Variants in RCC2 observed in about 807,000 individuals in gnomAD.
The protein encoded by RCC2 is protein RCC2.
RCC2 carries 19 observed loss-of-function variants against 64.1 expected under a neutral mutation model. That is an observed-to-expected ratio of 0.30 (90% confidence interval 0.21 to 0.44). The LOEUF is 0.44. Ranked by LOEUF, RCC2 falls within the 20% of genes least tolerant of loss-of-function variation. The pLI is 1.00. For missense variants in RCC2, 508 were observed against 710.4 expected (o/e 0.72, Z 3.24); for synonymous variants, 325 against 279.6 (o/e 1.16, Z -1.62).
intron 4 of RCC2, among the ~76,000 whole-genome samples, chr1:17,423,744 T>G (rs1026477339): frequency 2.0e-5 from 3 of 152,244 alleles, no homozygotes; most frequent in African/African-American, 7.2e-5. Context: ...GTGGGGAAAC[T>G]GACGGAGATC....
rs575284041 is a variant in RCC2, at chr1:17,413,726, A to G, written c.1027-9T>C. 1.1e-5 allele frequency: 18 copies of G among 1,605,130 alleles called. No individual in the cohort carries two copies. The highest frequency in any genetic ancestry group is 1.5e-5 in the Non-Finnish European group (18 of 1,176,326). ...TGGGAGTCCAGGACCAGCTGCAAGG[A>G]AAGAAAACACAGGGTTGGAACAAAC... On this transcript the variant is annotated splice_polypyrimidine_tract_variant and intron_variant, in intron 8 of 12. Transcript: ENST00000375436.
In RCC2 at chr1:17,422,737, G is replaced by A. The variant is rs564910907; in HGVS notation, c.623C>T (p.Ala208Val). Reference protein sequence around the residue: ...GLSHEVIVSAACGRNHTLALT... With the variant: ...GLSHEVIVSAVCGRNHTLALT... Reference sequence around the variant, plus strand: ...GGCCAAGGTGTGGTTCCGCCCACATGCTGCAGACACAATCACTTCGTGGCT... The same window carrying A: ...GGCCAAGGTGTGGTTCCGCCCACATACTGCAGACACAATCACTTCGTGGCT... Residue 208 changes from alanine to valine, a missense_variant, in exon 5 of 13, where the codon GCA becomes GTA. Coordinates refer to ENST00000375436, the MANE Select transcript of RCC2 (RefSeq NM_018715.4). 149 of 1,614,138 alleles carry A rather than the reference G, an allele frequency of 9.2e-5. 1 individual carries two copies. The South Asian group carries it at 1.5e-3, about 16-fold the overall frequency.
Position 17,409,190 on chromosome 1 carries a change from G to A in RCC2, c.1469C>T (p.Ala490Val), listed in dbSNP as rs139119199. Residue 490 changes from alanine (A) to valine (V), a missense_variant, in exon 13 of 13, where the codon GCC (alanine) becomes GTC (valine). This residue lies in a region of RCC2 where 179 missense variants were observed against 322.0 expected (regional missense o/e 0.56). Transcript: ENST00000375436. ...TLDGIFSEQV[A>V]MGYSHSLVIA... ...CACCAAGGAGTGTGAGTAGCCCATG[G>A]CGACCTGGGGGGACAAATCAGCGTT... 3.1e-6 allele frequency: 5 copies of A among 1,608,846 alleles called. No homozygotes were observed. The African/African-American group carries it at 5.3e-5, about 17-fold the overall frequency.
chr1:17,437,788 C>T (rs2075753874), intron 2 of RCC2, among the ~76,000 whole-genome samples: 2 of 90,172 alleles, frequency 2.2e-5, no homozygotes, highest in South Asian at 6.8e-4. Context: ...CCGCCCCCTC[C>T]CCGCGGCGCC....
intron 4 of RCC2, among the ~76,000 whole-genome samples, chr1:17,423,822 C>T (rs185037801): frequency 6.6e-6 from 1 of 152,344 alleles, no homozygotes; most frequent in East Asian, 1.9e-4. Context: ...GAACTTTTCA[C>T]CCTTAGGTTG....
At position 17,413,621 on chromosome 1, in the gene RCC2, G is replaced by A. The variant is rs1557621790; in HGVS notation, c.1123C>T (p.Leu375=). The A allele has an allele frequency of 6.2e-7, 1 of 1,614,210 alleles. No individual in the cohort carries two copies. The highest frequency in any genetic ancestry group is 2.2e-5 in the East Asian group (1 of 44,878). Residue 375 remains leucine, a synonymous_variant, in exon 9 of 13, where the codon CTG becomes TTG. Transcript: ENST00000375436. ...AEQKDEMVPR[L]VKLFDFPGRG... ...CCAGGGAAGTCAAACAGCTTCACCA[G>A]GCGGGGGACCATCTCATCCTTCTGC... is the stretch of plus-strand genomic sequence containing the variant.
At chr1:17,420,574 G>T in intron 7 of RCC2, 140 bp downstream of exon 7, 1 of 505,860 alleles carries the variant, frequency 2.0e-6, no homozygotes, top group Non-Finnish European at 3.5e-6. Flanking sequence ...TGCTGAACGT[G>T]AGATCCACTT....
chr1:17,430,411 A>T (rs2100387515), intron 2 of RCC2, among the ~76,000 whole-genome samples: 1 of 150,726 alleles, frequency 6.6e-6, no homozygotes, highest in Non-Finnish European at 1.5e-5. Flanking sequence ...GGATTGCTTG[A>T]GCTGAGGAGC....
At position 17,406,958 on chromosome 1, in the gene RCC2, G is replaced by T. The variant is rs1477005527; in HGVS notation, c.*2132C>A. 2.6e-5 allele frequency: 4 copies of T among 152,192 alleles called. No individual in the cohort carries two copies. In the East Asian group the frequency reaches 7.7e-4, roughly 29 times the overall value. 9.4% of individuals were successfully genotyped at this position (152,192 alleles called of 1,614,324 possible). A position where few individuals can be genotyped will look rare whatever the true frequency, so the allele number is the denominator to read the frequency against. On this transcript the variant is annotated 3_prime_UTR_variant, in exon 13 of 13. Transcript: ENST00000375436. ...GACCAGTCAGATGCCCGCAGGGTCA[G>T]CGCCAAGCACATTCCCAACCGGGCA...
At chr1:17,424,613 A>G (rs1447126037) in intron 4 of RCC2, among the ~76,000 whole-genome samples, 2 of 152,242 alleles carry the variant, frequency 1.3e-5, no homozygotes, top group Non-Finnish European at 2.9e-5. Flanking sequence ...GGAAGACAAC[A>G]GATGTTAATA....
At chr1:17,437,701 C>G (rs1400164311) in intron 2 of RCC2, among the ~76,000 whole-genome samples, 55 of 1,016 alleles carry the variant, frequency 0.054, no homozygotes, top group Non-Finnish European at 6.8e-3. Flanking sequence ...CAGGCCCCGC[C>G]CCCCCCGGGC....
Position 17,412,167 on chromosome 1 carries a change from A to G in RCC2, c.1341T>C (p.Asp447=), listed in dbSNP as rs983182657. The G allele has an allele frequency of 5.6e-6, 9 of 1,613,446 alleles. No homozygotes were observed. In the African/African-American group the frequency reaches 1.1e-4, roughly 19 times the overall value. ...ACGGACCCCAGCTGATGGTGCTCTCATCGGCGGCCACAATGATGCTGCTCT... is the reference window on the plus strand; with the variant it reads ...ACGGACCCCAGCTGATGGTGCTCTCGTCGGCGGCCACAATGATGCTGCTCT... ...CGKSSIIVAA[D]ESTISWGPSP... Residue 447 remains aspartate (D), a synonymous_variant, in exon 11 of 13, where the codon GAT becomes GAC. Transcript: ENST00000375436.
rs1416223932 is a variant in RCC2, at chr1:17,408,305, G to T, written c.*785C>A. 2.0e-5 allele frequency: 3 copies of T among 152,246 alleles called. No individual in the cohort carries two copies. Among genetic ancestry groups the T allele is most frequent in the African/African-American group, 7.2e-5 (3 of 41,440 alleles). 9.4% of individuals were successfully genotyped at this position (152,246 alleles called of 1,614,324 possible). A position where few individuals can be genotyped will look rare whatever the true frequency, so the allele number is the denominator to read the frequency against. ...CAAGGCTCAGCCCTGGCTCCACAGGGAGCCACCAAGCTGACTCAACTGATA... is the reference window on the plus strand; with the variant it reads ...CAAGGCTCAGCCCTGGCTCCACAGGTAGCCACCAAGCTGACTCAACTGATA... On this transcript the variant is annotated 3_prime_UTR_variant, in exon 13 of 13. Transcript: ENST00000375436.
In RCC2 at chr1:17,427,878, GGC is replaced by G. The variant is rs1432564090; in HGVS notation, c.379+1226_379+1227del. Among the ~76,000 whole-genome samples the G allele has an allele frequency of 2.7e-4, 41 of 152,298 alleles. 1 individual carries two copies. In the East Asian group the frequency reaches 5.8e-3, roughly 22 times the overall value. On this transcript the variant is annotated intron_variant, in intron 3 of 12. Coordinates refer to ENST00000375436, the MANE Select transcript of RCC2 (RefSeq NM_018715.4). ...AATTAAACGCCCTGCAGCAGTCCCAGGCTCTGCGGTCAGACTGAGAAGTCAAT... is the reference window on the plus strand; with the variant it reads ...AATTAAACGCCCTGCAGCAGTCCCAGTCTGCGGTCAGACTGAGAAGTCAAT...
intron 2 of RCC2, among the ~76,000 whole-genome samples, chr1:17,434,277 C>G (rs2075714031): frequency 6.6e-6 from 1 of 152,208 alleles, no homozygotes; most frequent in African/African-American, 2.4e-5. Context: ...ACTTTCAGCC[C>G]CATCCTCCAA....
chr1:17,438,423 G>T lies in RCC2; in HGVS notation c.92C>A (p.Pro31Gln), dbSNP rs895336495. ...ARAGPRKRGG[P>Q]AGRKRERPER... ...GGGCCGCTCGCGCTTCCTGCCCGCC[G>T]GGCCGCCGCGTTTCCTGGGCCCGGC... is the stretch of plus-strand genomic sequence containing the variant. The change falls in exon 2 of 13, where the codon CCG (proline) becomes CAG (glutamine). Residue 31 changes from proline (P) to glutamine (Q), a missense_variant. Pro to Gln is a moderately conservative substitution (Grantham distance 76). Around this residue, in one of 4 missense-constraint regions of RCC2, gnomAD observed 195 missense variants for 158.3 expected, o/e 1.23. Coordinates refer to ENST00000375436, the MANE Select transcript of RCC2 (RefSeq NM_018715.4). 74 of 1,275,958 alleles carry T rather than the reference G, an allele frequency of 5.8e-5. No individual in the cohort carries two copies. Among genetic ancestry groups the T allele is most frequent in the Non-Finnish European group, 7.0e-5 (71 of 1,015,314 alleles). The allele number at this position is 1,275,958 out of a possible 1,614,324, so 79.0% of individuals were successfully genotyped here.
chr1:17,432,937 G>A (rs555583919), intron 2 of RCC2, among the ~76,000 whole-genome samples: 2 of 151,888 alleles, frequency 1.3e-5, no homozygotes, highest in Non-Finnish European at 2.9e-5. Context: ...CAGACTGGGC[G>A]AAAGAGCGAG....
chr1:17,438,545 G>A (rs2075770046), intron 1 of RCC2, 23 bp from the exon 2 acceptor site: 2 of 1,306,108 alleles, frequency 1.5e-6, no homozygotes, highest in Non-Finnish European at 1.9e-6. Flanking sequence ...ACGGGGCAGC[G>A]GCGCACAATG....
chr1:17,439,137 G>GA (rs1006212631), intron 1 of RCC2, among the ~76,000 whole-genome samples: 1 of 152,194 alleles, frequency 6.6e-6, no homozygotes, highest in African/African-American at 2.4e-5. Flanking sequence ...GGCGACGGGG[G>GA]AAGAGCCCGA....
Sources: gnomAD v4.1 joint callset for allele counts (sites outside exome capture counted in the v4.1 genomes callset) on GRCh38, gnomAD v4.1.1 for gene constraint, gnomAD v4.1.1 regional missense constraint, MANE v1.5 for transcripts, NCBI Gene and HGNC (gene_info 2026-07-23, HGNC 2026-07-21) for gene names.